NME5: variants seen among roughly 807,000 people sequenced by gnomAD.
The protein encoded by NME5 is NME/NM23 family member 5.
NME5 carries 18 observed loss-of-function variants against 21.6 expected under a neutral mutation model. That is an observed-to-expected ratio of 0.83 (90% confidence interval 0.58 to 1.24). The LOEUF is 1.24. Ranked by LOEUF, NME5 falls within the 50% of genes most tolerant of loss-of-function variation. The pLI is 0.00. For missense variants in NME5, 223 were observed against 255.4 expected, an observed-to-expected ratio of 0.87 and a Z score of 0.86; for synonymous variants, 70 against 80.6, an observed-to-expected ratio of 0.87 and a Z score of 0.71.
At chr5:138,134,177 G>A (rs564917996) in intron 2 of NME5, among the ~76,000 whole-genome samples, 8 of 152,296 alleles carry the variant, frequency 5.3e-5, no homozygotes, top group Non-Finnish European at 8.8e-5. Flanking sequence ...CCGGGTTCAA[G>A]TGATTCTCCA....
intron 2 of NME5, among the ~76,000 whole-genome samples, chr5:138,130,603 A>T (rs1469673957): frequency 6.6e-6 from 1 of 152,118 alleles, no homozygotes; most frequent in Non-Finnish European, 1.5e-5. Context: ...AGTCTGGCCA[A>T]CATAGTGAAA....
intron 4 of NME5, 145 bp downstream of exon 4, chr5:138,128,334 T>A: frequency 1.6e-6 from 1 of 644,752 alleles, no homozygotes; most frequent in Non-Finnish European, 2.6e-6. Flanking sequence ...TGGCTTCAAG[T>A]TTTTAAGTAA....
chr5:138,119,019 C>A (rs1365636870), intron 4 of NME5, 83 bp from the exon 5 acceptor site: 5 of 789,532 alleles, frequency 6.3e-6, no homozygotes, highest in Non-Finnish European at 1.0e-5. Flanking sequence ...TTTTAAAGAA[C>A]TTTTCTCTAT....
chr5:138,134,856 C>T (rs1751657639), intron 2 of NME5, among the ~76,000 whole-genome samples: 1 of 140,242 alleles, frequency 7.1e-6, no homozygotes, highest in African/African-American at 2.6e-5. Flanking sequence ...GCTGGGACTA[C>T]AGGTGCCCGC....
chr5:138,124,251 C>T (rs958569760), intron 4 of NME5, among the ~76,000 whole-genome samples: 17 of 151,960 alleles, frequency 1.1e-4, no homozygotes, highest in African/African-American at 3.6e-4. Flanking sequence ...GATCTGCCAG[C>T]CTCGGCCTCC....
At chr5:138,129,686 G>A (rs985708373) in intron 2 of NME5, among the ~76,000 whole-genome samples, 3 of 152,166 alleles carry the variant, frequency 2.0e-5, no homozygotes, top group African/African-American at 4.8e-5. Flanking sequence ...GGCCGGGTGC[G>A]GTGGCTCATG....
Position 138,126,510 on chromosome 5 carries a change from CAAAAAAAAAAAAA to C in NME5, c.436+1956_436+1968del, listed in dbSNP as rs57938582. On this transcript the variant is annotated intron_variant, in intron 4 of 5. Coordinates refer to ENST00000265191, the MANE Select transcript of NME5 (RefSeq NM_003551.3). ...TGGGCAACAGAGTGAGAATCTATCT[CAAAAAAAAAAAAA>C]AAAAAAAAAAAAAGAAAGAAAGCGA... Among the ~76,000 whole-genome samples the C allele has an allele frequency of 4.6e-4, 25 of 54,226 alleles. No homozygotes were observed. In the East Asian group the frequency reaches 5.4e-3, roughly 12 times the overall value. The allele number at this position is 54,226 out of a possible 152,430, so 35.6% of individuals were successfully genotyped here.
chr5:138,123,204 C>A (rs1449060350), intron 4 of NME5: 1 of 152,114 alleles, frequency 6.6e-6, no homozygotes. Context: ...ACAAATCAAG[C>A]TAATTAATAT....
chr5:138,125,626 C>A (rs376711600), intron 4 of NME5, among the ~76,000 whole-genome samples: 2 of 151,980 alleles, frequency 1.3e-5, no homozygotes, highest in African/African-American at 4.8e-5. Context: ...TTTTTCTTTT[C>A]TTTTCTTTCA....
chr5:138,118,733 TG>T (rs1449335185), intron 5 of NME5, 84 bp downstream of exon 5: 2 of 827,410 alleles, frequency 2.4e-6, no homozygotes, highest in Admixed American at 3.9e-5. Context: ...CCGCCCGCCT[TG>T]GCCTCCCAAA....
chr5:138,118,047 C>T (rs1474869063), intron 5 of NME5, among the ~76,000 whole-genome samples: 2 of 151,886 alleles, frequency 1.3e-5, no homozygotes, highest in Admixed American at 1.3e-4. Flanking sequence ...AATAATTATA[C>T]ATATCTAACA....
chr5:138,128,039 C>A (rs1323457088), intron 4 of NME5, among the ~76,000 whole-genome samples: 6 of 152,054 alleles, frequency 3.9e-5, no homozygotes, highest in African/African-American at 1.2e-4. Context: ...TACGGAGAGA[C>A]CCCATCTCTC....
intron 4 of NME5, among the ~76,000 whole-genome samples, chr5:138,121,298 C>A (rs1751280699): frequency 6.6e-6 from 1 of 151,904 alleles, no homozygotes; most frequent in Admixed American, 6.6e-5. Context: ...GCATGGTGGT[C>A]TATGCCTCTA....
intron 2 of NME5, among the ~76,000 whole-genome samples, chr5:138,136,706 G>A (rs562837182): frequency 2.0e-5 from 3 of 151,774 alleles, no homozygotes; most frequent in Non-Finnish European, 2.9e-5. Context: ...ACAATGGCAC[G>A]ATCTCGGCTC....
Position 138,128,542 on chromosome 5 carries a change from C to T in NME5, c.373G>A (p.Ala125Thr). 2 of 1,612,828 alleles carry T rather than the reference C, an allele frequency of 1.2e-6. No individual in the cohort carries two copies. The highest frequency in any genetic ancestry group is 1.7e-6 in the Non-Finnish European group (2 of 1,179,668). ...GCAAAGTCATTACTCCCATGAAGTG[C>T]ATTCCTTAGGTCATCTGTGCCATAA... is the stretch of plus-strand genomic sequence containing the variant. ...AIYGTDDLRN[A>T]LHGSNDFAAA... The change falls in exon 4 of 6, where the codon GCA (alanine) becomes ACA (threonine). Residue 125 changes from alanine to threonine, a missense_variant. By Grantham distance (58) the Ala-to-Thr change is moderately conservative (BLOSUM62 0). Coordinates refer to ENST00000265191, the MANE Select transcript of NME5 (RefSeq NM_003551.3).
At chr5:138,128,709 CAAATTTAAGCTT>C (rs1751490735) in intron 3 of NME5, 130 bp from the exon 4 acceptor site, 3 of 583,482 alleles carry the variant, frequency 5.1e-6, no homozygotes, top group Admixed American at 3.5e-5. Context: ...CAATTTATGT[CAAATTTAAGCTT>C]AAATTTAAGC....
At position 138,138,643 on chromosome 5, in the gene NME5, A is replaced by G; in HGVS notation, c.129+9T>C. 2 of 1,607,746 alleles carry G rather than the reference A, an allele frequency of 1.2e-6. No homozygotes were observed. The highest frequency in any genetic ancestry group is 1.7e-6 in the Non-Finnish European group (2 of 1,178,344). On this transcript the variant is annotated intron_variant, in intron 2 of 5. Coordinates refer to ENST00000265191, the MANE Select transcript of NME5 (RefSeq NM_003551.3). ...GAAAAAAGCATGAATCATCATACCC[A>G]GAAGTTACCTGAACAATGGTGAATC...
At chr5:138,135,333 A>G in intron 2 of NME5, among the ~76,000 whole-genome samples, 1 of 148,534 alleles carries the variant, frequency 6.7e-6, no homozygotes. Context: ...AAAAAAAAAA[A>G]GGACTTTTTT....
rs1310772641 is a variant in NME5 at position 138,126,384 on chromosome 5, A to G, written c.436+2095T>C. Among the ~76,000 whole-genome samples, 5 of 151,770 alleles carry G rather than the reference A, an allele frequency of 3.3e-5. No homozygotes were observed. In the East Asian group the frequency reaches 9.7e-4, roughly 30 times the overall value. ...AAACTAGCCAGGTGTGGTGGTGCAC[A>G]CCTGGGGTTCCACCTACTCCAAAGG... On this transcript the variant is annotated intron_variant, in intron 4 of 5. Coordinates refer to ENST00000265191, the MANE Select transcript of NME5 (RefSeq NM_003551.3).
Sources: gnomAD v4.1 joint callset for allele counts (sites outside exome capture counted in the v4.1 genomes callset) on GRCh38, gnomAD v4.1.1 for gene constraint, MANE v1.5 for transcripts, NCBI Gene and HGNC (gene_info 2026-07-23, HGNC 2026-07-21) for gene names.